The following ZNF407 variants were observed in gnomAD, a reference collection of about 807,000 sequenced individuals.
ZNF407 encodes the protein zinc finger protein 407.
ZNF407 carries 17 observed loss-of-function variants against 131.2 expected under a neutral mutation model. The ratio of observed to expected loss-of-function variants is 0.13; its 90% CI spans 0.09 to 0.19. ZNF407 has a LOEUF of 0.19. Ranked by LOEUF, ZNF407 falls within the 10% of genes least tolerant of loss-of-function variation. The pLI, the probability that ZNF407 is intolerant of heterozygous loss-of-function variation, is 1.00. For synonymous variants in ZNF407, 1,156 were observed against 1,062.0 expected (o/e 1.09, Z -1.72); for missense variants, 2,681 against 2,830.6 (o/e 0.95, Z 1.20).
chr18:75,020,266 A>G lies in ZNF407; in HGVS notation c.5429-42884A>G, dbSNP rs183317546. ...ATAGTGTGTATGTGTATGTATATAT[A>G]GATATGTGTGTGTATATGTGTGTGT... is the stretch of plus-strand genomic sequence containing the variant. On this transcript the variant is annotated intron_variant, in intron 8 of 8. Transcript: ENST00000299687. Among the ~76,000 whole-genome samples the G allele has an allele frequency of 6.3e-4, 96 of 152,006 alleles. 1 individual carries two copies. Among genetic ancestry groups the G allele is most frequent in the Middle Eastern group, 6.8e-3 (2 of 294 alleles).
chr18:74,888,262 G>T (rs1424996176), intron 6 of ZNF407, among the ~76,000 whole-genome samples: 1 of 151,610 alleles, frequency 6.6e-6, no homozygotes, highest in Non-Finnish European at 1.5e-5. Context: ...GGGGAGTGAG[G>T]TATTCTCTAA....
chr18:74,808,959 T>C (rs1394055305), intron 4 of ZNF407, among the ~76,000 whole-genome samples: 4 of 152,202 alleles, frequency 2.6e-5, no homozygotes, highest in Admixed American at 2.0e-4. Flanking sequence ...TTTCACCTCC[T>C]CCTCCTCCAA....
chr18:74,930,333 C>T (rs1160470105), intron 8 of ZNF407, among the ~76,000 whole-genome samples: 1 of 152,174 alleles, frequency 6.6e-6, no homozygotes. Context: ...TGAGGACGTC[C>T]GCCTGGCCCA....
chr18:74,766,895 T>C (rs1397521763), intron 3 of ZNF407, among the ~76,000 whole-genome samples: 1 of 152,122 alleles, frequency 6.6e-6, no homozygotes, highest in Non-Finnish European at 1.5e-5. Flanking sequence ...CCAACAATTT[T>C]TATTTTTTTA....
At chr18:74,702,221 G>A (rs1967513974) in intron 3 of ZNF407, among the ~76,000 whole-genome samples, 3 of 152,132 alleles carry the variant, frequency 2.0e-5, no homozygotes, top group Non-Finnish European at 4.4e-5. Flanking sequence ...GGTCAAGAAG[G>A]AATCTTAGTT....
At chr18:74,787,602 A>C (rs375675071) in intron 4 of ZNF407, among the ~76,000 whole-genome samples, 263 of 152,288 alleles carry the variant, frequency 1.7e-3, no homozygotes, top group African/African-American at 6.1e-3. Flanking sequence ...GTACTCCTGC[A>C]TCAGTTACAT....
chr18:74,599,118 G>A (rs1393554570), intron 1 of ZNF407, among the ~76,000 whole-genome samples: 1 of 152,148 alleles, frequency 6.6e-6, no homozygotes, highest in Non-Finnish European at 1.5e-5. Flanking sequence ...GAGCTTATAT[G>A]TCATTTGGCA....
At chr18:74,751,493 G>A (rs1415577366) in intron 3 of ZNF407, among the ~76,000 whole-genome samples, 1 of 151,914 alleles carries the variant, frequency 6.6e-6, no homozygotes, top group Non-Finnish European at 1.5e-5. Context: ...ATTTACATTA[G>A]GTATATCTTC....
intron 3 of ZNF407, among the ~76,000 whole-genome samples, chr18:74,687,413 A>AT (rs1967120871): frequency 6.6e-6 from 1 of 152,142 alleles, no homozygotes; most frequent in Non-Finnish European, 1.5e-5. Flanking sequence ...GTTAAGGAGG[A>AT]AAGGTGTAGC....
chr18:74,664,602 A>G (rs1040566503), intron 3 of ZNF407, among the ~76,000 whole-genome samples: 1 of 152,204 alleles, frequency 6.6e-6, no homozygotes, highest in Non-Finnish European at 1.5e-5. Flanking sequence ...CCAATGGCTG[A>G]TTTCTAAAAT....
intron 1 of ZNF407, among the ~76,000 whole-genome samples, chr18:74,613,074 G>A (rs1044332651): frequency 2.0e-5 from 3 of 152,074 alleles, no homozygotes; most frequent in African/African-American, 4.8e-5. Context: ...TTTGATTTTA[G>A]TTCTTGAATA....
intron 1 of ZNF407, among the ~76,000 whole-genome samples, chr18:74,626,058 A>G (rs1983772369): frequency 6.6e-6 from 1 of 152,262 alleles, no homozygotes; most frequent in Admixed American, 6.5e-5. Context: ...TATCCAGAAT[A>G]CGTAAGCAGT....
Position 74,634,132 on chromosome 18 carries a change from G to T in ZNF407, c.3113G>T (p.Arg1038Leu). ...SSASLELHVK[R>L]KHTKEFEFYC... ...GCTTCTCTAGAGCTGCATGTAAAAC[G>T]GAAACATACAAAAGAGTTTGAGTTT... Residue 1038 changes from arginine (R) to leucine (L), a missense_variant, in exon 2 of 9, where the codon CGG becomes CTG. Physicochemically the swap from Arg to Leu is moderately radical, Grantham distance 102 (BLOSUM62 -2). Coordinates refer to ENST00000299687, the MANE Select transcript of ZNF407 (RefSeq NM_017757.3). The T allele has an allele frequency of 6.2e-7, 1 of 1,613,984 alleles. No individual in the cohort carries two copies. The highest frequency in any genetic ancestry group is 1.1e-5 in the South Asian group (1 of 91,068).
intron 8 of ZNF407, among the ~76,000 whole-genome samples, chr18:74,921,518 T>C (rs1408658310): frequency 2.0e-5 from 3 of 152,156 alleles, no homozygotes; most frequent in African/African-American, 7.2e-5. Context: ...GCAGATGTTT[T>C]GGGACCTGTT....
chr18:74,701,411 C>CT (rs1967491062), intron 3 of ZNF407, among the ~76,000 whole-genome samples: 1 of 152,122 alleles, frequency 6.6e-6, no homozygotes, highest in Non-Finnish European at 1.5e-5. Context: ...TTTTATTTTC[C>CT]TTTATGTAAT....
Position 75,019,794 on chromosome 18 carries a change from C to G in ZNF407, c.5429-43356C>G, listed in dbSNP as rs913058289. Among the ~76,000 whole-genome samples, 40 of 152,110 alleles carry G rather than the reference C, an allele frequency of 2.6e-4. 1 individual carries two copies. The highest frequency in any genetic ancestry group is 8.0e-4 in the African/African-American group (33 of 41,494). On this transcript the variant is annotated intron_variant, in intron 8 of 8. Coordinates refer to ENST00000299687, the MANE Select transcript of ZNF407 (RefSeq NM_017757.3). ...GAAACTTACAATCATGGTGAAAAGG[C>G]AAAGGGGAAACTAACACCTTCCCAT...
At chr18:74,877,059 C>A in intron 4 of ZNF407, 138 bp from the exon 5 acceptor site, 1 of 695,524 alleles carries the variant, frequency 1.4e-6, no homozygotes, top group Non-Finnish European at 2.5e-6. Context: ...GTTATACAGA[C>A]ATGACAGACC....
intron 4 of ZNF407, among the ~76,000 whole-genome samples, chr18:74,822,620 C>T (rs1456862420): frequency 6.6e-6 from 1 of 152,144 alleles, no homozygotes; most frequent in Admixed American, 6.5e-5. Context: ...TTCCATTGGT[C>T]TATATCTCTG....
intron 8 of ZNF407, among the ~76,000 whole-genome samples, chr18:74,954,548 A>G (rs1972254319): frequency 6.6e-6 from 1 of 152,236 alleles, no homozygotes; most frequent in Admixed American, 6.5e-5. Flanking sequence ...TGCAATAATT[A>G]TTAATGTTTT....
Sources: allele counts gnomAD v4.1 joint callset (sites outside exome capture counted in the v4.1 genomes callset), GRCh38; gene constraint gnomAD v4.1.1; transcripts MANE v1.5; gene names NCBI Gene and HGNC (gene_info 2026-07-23, HGNC 2026-07-21).